The following NFKBIE variants were observed in gnomAD, a reference collection of about 807,000 sequenced individuals.
NFKBIE encodes NF-kappa-B inhibitor epsilon.
Under a neutral mutation model 31.6 loss-of-function variants are expected in NFKBIE, and 11 were observed. The ratio of observed to expected loss-of-function variants is 0.35; its 90% CI spans 0.22 to 0.58. The LOEUF (loss-of-function observed/expected upper bound fraction) is 0.58, where lower values mean the gene tolerates loss of function less well. NFKBIE is among the 20% of genes least tolerant of loss of function. The probability of loss-of-function intolerance (pLI) is 0.83; values close to 1 mark genes in which losing one functional copy is unlikely to be tolerated. For synonymous variants in NFKBIE, 208 were observed against 210.1 expected (o/e 0.99, Z 0.09); for missense variants, 354 against 465.7 (o/e 0.76, Z 2.21).
At chr6:44,264,219 C>T (rs551762844) in intron 1 of NFKBIE, among the ~76,000 whole-genome samples, 133 of 152,316 alleles carry the variant, frequency 8.7e-4, no homozygotes, top group Non-Finnish European at 1.6e-3. Flanking sequence ...TCCTGGGGGG[C>T]TAAATCCTCA....
rs1466795933 is a variant in NFKBIE at position 44,265,132 on chromosome 6, G to A, written c.215C>T (p.Thr72Ile). The A allele has an allele frequency of 6.4e-7, 1 of 1,552,780 alleles. No individual in the cohort carries two copies. Residue 72 changes from threonine (T) to isoleucine (I), a missense_variant, in exon 1 of 6, where the codon ACC becomes ATC. Physicochemically the swap from Thr to Ile is moderately conservative, Grantham distance 89. Around this residue, in one of 2 missense-constraint regions of NFKBIE, gnomAD observed 171 missense variants for 155.1 expected, o/e 1.10. Transcript: ENST00000619360. The stretch of plus-strand genomic sequence containing the variant: ...GTAGGTGAGCGAGGAGGAGCCATAG[G>A]TGGAATCAGCCCGCTCCCCATCCGC... ...EDADGERADSTYGSSSLTYTL... is the reference protein window; with the variant it reads ...EDADGERADSIYGSSSLTYTL...
chr6:44,262,545 T>G lies in NFKBIE; in HGVS notation c.468+15A>C, dbSNP rs1781959334. 1 of 1,610,836 alleles carries G rather than the reference T, an allele frequency of 6.2e-7. No individual in the cohort carries two copies. Among genetic ancestry groups the G allele is most frequent in the African/African-American group, 1.3e-5 (1 of 74,814 alleles). ...ACAAACAGGTATCTGGGCATAACAT[T>G]CTCTCGCCACCAACCTGGTAAAGGT... is the stretch of plus-strand genomic sequence containing the variant. On this transcript the variant is annotated intron_variant, in intron 2 of 5. Coordinates refer to ENST00000619360, the MANE Select transcript of NFKBIE (RefSeq NM_004556.3).
Position 44,260,858 on chromosome 6 carries a change from CAG to C in NFKBIE, c.692-321_692-320del, listed in dbSNP as rs1561913581. 3.2e-3 allele frequency among the ~76,000 whole-genome samples: 258 copies of C among 80,344 alleles called. 3 individuals are homozygous for C. Among genetic ancestry groups the C allele is most frequent in the African/African-American group, 5.8e-3 (152 of 26,068 alleles). The allele number at this position is 80,344 out of a possible 152,430, so 52.7% of individuals were successfully genotyped here. A position where few individuals can be genotyped will look rare whatever the true frequency, so the allele number is the denominator to read the frequency against. On this transcript the variant is annotated intron_variant, in intron 3 of 5. Coordinates refer to ENST00000619360, the MANE Select transcript of NFKBIE (RefSeq NM_004556.3). This position sits in a 1 kb window ranked among gnomAD's most constrained non-coding sequence, Gnocchi z 5.5. ...ACACACACACACACACACACACATA[CAG>C]ACACACACACACACACACACACACA...
rs1261343166 is a variant in NFKBIE at position 44,260,110 on chromosome 6, C to T, written c.953G>A (p.Cys318Tyr). ...RGLMGISSTL[C>Y]KAGADSLLRN... Reference sequence around the variant, plus strand: ...CAGCAGGGAGTCAGCACCCGCCTTGCACAGAGTGGATGAGATGCCCATGAG... The same window carrying T: ...CAGCAGGGAGTCAGCACCCGCCTTGTACAGAGTGGATGAGATGCCCATGAG... The change falls in exon 5 of 6, where the codon TGC becomes TAC. Residue 318 changes from cysteine to tyrosine, a missense_variant. By Grantham distance (194) the Cys-to-Tyr change is radical (BLOSUM62 -2). Coordinates refer to ENST00000619360, the MANE Select transcript of NFKBIE (RefSeq NM_004556.3). This position sits in a 1 kb window ranked among gnomAD's most constrained non-coding sequence, Gnocchi z 5.5. 2.5e-6 allele frequency: 4 copies of T among 1,614,240 alleles called. No homozygotes were observed. Among genetic ancestry groups the T allele is most frequent in the Admixed American group, 1.7e-5 (1 of 60,034 alleles).
rs1466758444 is a variant in NFKBIE at position 44,263,457 on chromosome 6, A to C, written c.366-795T>G. Among the ~76,000 whole-genome samples the C allele has an allele frequency of 6.7e-6, 1 of 149,072 alleles. No homozygotes were observed. Among genetic ancestry groups the C allele is most frequent in the Non-Finnish European group, 1.5e-5 (1 of 67,416 alleles). On this transcript the variant is annotated intron_variant, in intron 1 of 5. Coordinates refer to ENST00000619360, the MANE Select transcript of NFKBIE (RefSeq NM_004556.3). This position sits in a 1 kb window ranked among gnomAD's most constrained non-coding sequence, Gnocchi z 5.0. Reference sequence around the variant, plus strand: ...GCCGGGACAGCTGCCTTGGGGCATTAGTGAGGGGGGTAGATTGGCTAAAAG... The same window carrying C: ...GCCGGGACAGCTGCCTTGGGGCATTCGTGAGGGGGGTAGATTGGCTAAAAG...
Position 44,260,550 on chromosome 6 carries a change from G to A in NFKBIE, c.692-11C>T, listed in dbSNP as rs1395203667. 6.2e-7 allele frequency: 1 copy of A among 1,613,708 alleles called. No homozygotes were observed. Among genetic ancestry groups the A allele is most frequent in the Admixed American group, 1.7e-5 (1 of 59,984 alleles). On this transcript the variant is annotated splice_polypyrimidine_tract_variant and intron_variant, in intron 3 of 5. Transcript: ENST00000619360. The surrounding 1 kb of genome is among the most constrained non-coding windows in gnomAD (Gnocchi z 5.5). The stretch of plus-strand genomic sequence containing the variant: ...GGAGACAAGCCAGACCTGGGATGGG[G>A]TGAGAGTGAGGGTGAGGGCTGCTGA...
Position 44,261,572 on chromosome 6 carries a change from C to G in NFKBIE, c.691+54G>C. 6.3e-7 allele frequency: 1 copy of G among 1,581,160 alleles called. No homozygotes were observed. Among genetic ancestry groups the G allele is most frequent in the Non-Finnish European group, 8.7e-7 (1 of 1,154,426 alleles). ...TCCCCAAGAGTGAGGTCCCTATCTC[C>G]TATGCCCTCCTCATCCCACAGGCCC... is the stretch of plus-strand genomic sequence containing the variant. On this transcript the variant is annotated intron_variant, in intron 3 of 5. Transcript: ENST00000619360. This position sits in a 1 kb window ranked among gnomAD's most constrained non-coding sequence, Gnocchi z 4.3.
Position 44,260,078 on chromosome 6 carries a change from C to T in NFKBIE, c.985G>A (p.Val329Met), listed in dbSNP as rs1297240312. The T allele has an allele frequency of 1.2e-5, 19 of 1,614,100 alleles. No homozygotes were observed. The highest frequency in any genetic ancestry group is 1.5e-5 in the Non-Finnish European group (18 of 1,180,032). The change falls in exon 5 of 6, where the codon GTG becomes ATG. Residue 329 changes from valine to methionine, a missense_variant. This residue lies in a region of NFKBIE where 183 missense variants were observed against 310.6 expected (regional missense o/e 0.59). Transcript: ENST00000619360. This position sits in a 1 kb window ranked among gnomAD's most constrained non-coding sequence, Gnocchi z 5.5. ...KAGADSLLRNVEDETPQDLTE... is the reference protein window; with the variant it reads ...KAGADSLLRNMEDETPQDLTE... ...AGGTCCTGGGGCGTCTCATCCTCCA[C>T]ATTCCGCAGCAGGGAGTCAGCACCC...
intron 5 of NFKBIE, among the ~76,000 whole-genome samples, chr6:44,259,723 T>A (rs1457228768): frequency 6.6e-6 from 1 of 152,188 alleles, no homozygotes; most frequent in African/African-American, 2.4e-5. Context: ...GGGCCTACAC[T>A]CCTGCTTTGT....
At chr6:44,264,006 C>T (rs900807093) in intron 1 of NFKBIE, among the ~76,000 whole-genome samples, 9 of 152,116 alleles carry the variant, frequency 5.9e-5, no homozygotes. Flanking sequence ...TCCTCTCCCA[C>T]CCACTGGGTC....
chr6:44,261,714 C>G lies in NFKBIE; in HGVS notation c.603G>C (p.Leu201Phe). 6.2e-7 allele frequency: 1 copy of G among 1,614,142 alleles called. No homozygotes were observed. The highest frequency in any genetic ancestry group is 8.5e-7 in the Non-Finnish European group (1 of 1,180,026). Residue 201 changes from leucine (L) to phenylalanine (F), a missense_variant, in exon 3 of 6, where the codon TTG becomes TTC. Leu to Phe is a conservative substitution (Grantham distance 22). Transcript: ENST00000619360. This position sits in a 1 kb window ranked among gnomAD's most constrained non-coding sequence, Gnocchi z 4.3. ...CTTCCAGCAGGCAGCGGGCACAGGC[C>G]AAGTGCTGGCGCTGGCAGGCCACAT... The part of the protein sequence containing the change: ...ALHVACQRQH[L>F]ACARCLLEGR...
Position 44,260,868 on chromosome 6 carries a change from C to CACACAG in NFKBIE, c.692-330_692-329insCTGTGT, listed in dbSNP as rs1781885405. On this transcript the variant is annotated intron_variant, in intron 3 of 5. Coordinates refer to ENST00000619360, the MANE Select transcript of NFKBIE (RefSeq NM_004556.3). The surrounding 1 kb of genome is among the most constrained non-coding windows in gnomAD (Gnocchi z 5.5). ...ACACACACACACATACAGACACACA[C>CACACAG]ACACACACACACACACACACACAAC... Among the ~76,000 whole-genome samples the CACACAG allele has an allele frequency of 2.1e-5, 3 of 142,252 alleles. No homozygotes were observed. Among genetic ancestry groups the CACACAG allele is most frequent in the Admixed American group, 1.4e-4 (2 of 14,256 alleles). 93.3% of individuals were successfully genotyped at this position (142,252 alleles called of 152,430 possible).
chr6:44,265,195 G>A lies in NFKBIE; in HGVS notation c.152C>T (p.Pro51Leu), dbSNP rs762536255. The change falls in exon 1 of 6, where the codon CCT becomes CTT. Residue 51 changes from proline to leucine, a missense_variant. By Grantham distance (98) the Pro-to-Leu change is moderately conservative. This residue lies in a region of NFKBIE where 171 missense variants were observed against 155.1 expected (regional missense o/e 1.10). Coordinates refer to ENST00000619360, the MANE Select transcript of NFKBIE (RefSeq NM_004556.3). ...SDGSPQPCTH[P>L]PGPVKEPQEK... ...CTGTGGTTCCTTGACGGGTCCCGGA[G>A]GATGGGTGCAGGGCTGGGGGCTGCC... 4 of 1,551,866 alleles carry A rather than the reference G, an allele frequency of 2.6e-6. No individual in the cohort carries two copies. In the South Asian group the frequency reaches 4.8e-5, roughly 18 times the overall value.
In NFKBIE at chr6:44,263,350, G is replaced by A. The variant is rs1781992050; in HGVS notation, c.366-688C>T. On this transcript the variant is annotated intron_variant, in intron 1 of 5. Coordinates refer to ENST00000619360, the MANE Select transcript of NFKBIE (RefSeq NM_004556.3). This position sits in a 1 kb window ranked among gnomAD's most constrained non-coding sequence, Gnocchi z 5.0. The stretch of plus-strand genomic sequence containing the variant: ...AAGAACCTTAATCTAGGGGTAATGG[G>A]GGCAGTTGGGAGGGGAAGTTCCAGT... Among the ~76,000 whole-genome samples the A allele has an allele frequency of 6.6e-6, 1 of 152,142 alleles. No individual in the cohort carries two copies. The highest frequency in any genetic ancestry group is 2.1e-4 in the South Asian group (1 of 4,824).
chr6:44,265,252 G>T lies in NFKBIE; in HGVS notation c.95C>A (p.Ser32Tyr). ...GGGCCCGGAGGCTGGAGCCGAGGTGGACTCGGGTAGGGAGCGCAGAGAGCG... is the reference window on the plus strand; with the variant it reads ...GGGCCCGGAGGCTGGAGCCGAGGTGTACTCGGGTAGGGAGCGCAGAGAGCG... ...SLRSLRSLPE[S>Y]TSAPASGPSD... The change falls in exon 1 of 6, where the codon TCC becomes TAC. Residue 32 changes from serine to tyrosine, a missense_variant. Ser to Tyr is a moderately radical substitution (Grantham distance 144, BLOSUM62 -2). Transcript: ENST00000619360. The T allele has an allele frequency of 6.4e-7, 1 of 1,552,752 alleles. No homozygotes were observed. The highest frequency in any genetic ancestry group is 8.7e-7 in the Non-Finnish European group (1 of 1,147,876).
rs1781885405 is a variant in NFKBIE, at chr6:44,260,868, C to CACACATACAG, written c.692-330_692-329insCTGTATGTGT. On this transcript the variant is annotated intron_variant, in intron 3 of 5. Transcript: ENST00000619360. The surrounding 1 kb of genome is among the most constrained non-coding windows in gnomAD (Gnocchi z 5.5). Reference sequence around the variant, plus strand: ...ACACACACACACATACAGACACACACACACACACACACACACACACACAAC... The same window carrying CACACATACAG: ...ACACACACACACATACAGACACACACACACATACAGACACACACACACACACACACACAAC... Among the ~76,000 whole-genome samples, 1 of 142,254 alleles carries CACACATACAG rather than the reference C, an allele frequency of 7.0e-6. No homozygotes were observed. Among genetic ancestry groups the CACACATACAG allele is most frequent in the Admixed American group, 7.0e-5 (1 of 14,256 alleles). 93.3% of individuals were successfully genotyped at this position (142,254 alleles called of 152,430 possible).
At chr6:44,262,973 C>T (rs1231261398) in intron 1 of NFKBIE, among the ~76,000 whole-genome samples, 1 of 152,210 alleles carries the variant, frequency 6.6e-6, no homozygotes, top group African/African-American at 2.4e-5. Flanking sequence ...AGGGCTCTGC[C>T]GAGCCAGCTG....
chr6:44,262,277 G>A (rs1237279365), intron 2 of NFKBIE, among the ~76,000 whole-genome samples: 2 of 152,168 alleles, frequency 1.3e-5, no homozygotes, highest in African/African-American at 2.4e-5. Context: ...AGCCTTCCCT[G>A]GCTGCTGCAC....
rs866238291 is a variant in NFKBIE at position 44,260,382 on chromosome 6, C to T, written c.780+69G>A. 90 of 1,613,120 alleles carry T rather than the reference C, an allele frequency of 5.6e-5. No homozygotes were observed. In the African/African-American group the frequency reaches 8.9e-4, roughly 16 times the overall value. On this transcript the variant is annotated intron_variant, in intron 4 of 5. Coordinates refer to ENST00000619360, the MANE Select transcript of NFKBIE (RefSeq NM_004556.3). This position sits in a 1 kb window ranked among gnomAD's most constrained non-coding sequence, Gnocchi z 5.5. Reference sequence around the variant, plus strand: ...AATGCCACCACTTCTGACTGCTGGGCAGGGGACTTGGGGATGTGTCAGGTG... The same window carrying T: ...AATGCCACCACTTCTGACTGCTGGGTAGGGGACTTGGGGATGTGTCAGGTG...
Sources: allele counts gnomAD v4.1 joint callset (sites outside exome capture counted in the v4.1 genomes callset), GRCh38; gene constraint gnomAD v4.1.1; regional missense constraint gnomAD v4.1.1; non-coding constraint Gnocchi (gnomAD v3.1); transcripts MANE v1.5; gene names NCBI Gene and HGNC (gene_info 2026-07-23, HGNC 2026-07-21).